Variants in DDIAS observed in about 807,000 individuals in gnomAD.
DDIAS encodes the protein DNA damage induced apoptosis suppressor.
Under a neutral mutation model 15.7 loss-of-function variants are expected in DDIAS, and 14 were observed. That is an observed-to-expected ratio of 0.89 (90% CI 0.59 to 1.39). The LOEUF is 1.39. Ranked by LOEUF, DDIAS falls within the 40% of genes most tolerant of loss-of-function variation. The pLI, the probability that DDIAS is intolerant of heterozygous loss-of-function variation, is 0.00. For missense variants in DDIAS, 1,035 were observed against 1,130.9 expected, an observed-to-expected ratio of 0.92 and a Z score of 1.22; for synonymous variants, 355 against 395.9, an observed-to-expected ratio of 0.90 and a Z score of 1.23.
chr11:82,933,522 C>A lies in DDIAS; in HGVS notation c.2184C>A (p.Ile728=). Residue 728 remains isoleucine, a synonymous_variant, in exon 6 of 6, where the codon ATC becomes ATA. Coordinates refer to ENST00000533655, the MANE Select transcript of DDIAS (RefSeq NM_145018.4). ...TGAGATCACTTTCTGAAGACTTCATCCAGCCTTCACAAAAATTATCCTTGC... is the reference window on the plus strand; with the variant it reads ...TGAGATCACTTTCTGAAGACTTCATACAGCCTTCACAAAAATTATCCTTGC... The part of the protein sequence containing the change: ...FSLRSLSEDF[I]QPSQKLSLQS... 6.2e-7 allele frequency: 1 copy of A among 1,613,966 alleles called. No individual in the cohort carries two copies. The highest frequency in any genetic ancestry group is 1.3e-5 in the African/African-American group (1 of 75,034).
At chr11:82,911,123 G>T (rs1227295882) in intron 1 of DDIAS, among the ~76,000 whole-genome samples, 2 of 152,108 alleles carry the variant, frequency 1.3e-5, no homozygotes, top group African/African-American at 4.8e-5. Flanking sequence ...TGTGGTGGAG[G>T]GTCTTGCCTC....
In DDIAS at chr11:82,933,598, T is replaced by G; in HGVS notation, c.2260T>G (p.Phe754Val). ...HSRTCSPTPHFQSDSEYNFEN... is the reference protein window; with the variant it reads ...HSRTCSPTPHVQSDSEYNFEN... The stretch of plus-strand genomic sequence containing the variant: ...AAGAACATGCTCTCCAACACCTCAT[T>G]TTCAATCAGATTCAGAATATAATTT... Residue 754 changes from phenylalanine (F) to valine (V), a missense_variant, in exon 6 of 6, where the codon TTT becomes GTT. Transcript: ENST00000533655. 6.2e-7 allele frequency: 1 copy of G among 1,613,826 alleles called. No homozygotes were observed. Among genetic ancestry groups the G allele is most frequent in the Non-Finnish European group, 8.5e-7 (1 of 1,179,914 alleles).
In DDIAS at chr11:82,907,626, A is replaced by T. The variant is rs1304201863; in HGVS notation, c.-116-5661A>T. ...CGCAATACCGCGCACTGCAGCCTCA[A>T]TCTCCCAGACTCAAGTGACCTTCCC... On this transcript the variant is annotated intron_variant, in intron 1 of 5. Transcript: ENST00000533655. Among the ~76,000 whole-genome samples, 6 of 152,170 alleles carry T rather than the reference A, an allele frequency of 3.9e-5. No individual in the cohort carries two copies. The South Asian group carries it at 1.2e-3, about 32-fold the overall frequency.
chr11:82,911,710 C>T (rs756660987), intron 1 of DDIAS, among the ~76,000 whole-genome samples: 9 of 152,208 alleles, frequency 5.9e-5, no homozygotes, highest in Non-Finnish European at 1.0e-4. Context: ...TAGCTTCTAG[C>T]ATGGTGAAAC....
At chr11:82,908,748 A>G (rs1313116707) in intron 1 of DDIAS, among the ~76,000 whole-genome samples, 1 of 152,244 alleles carries the variant, frequency 6.6e-6, no homozygotes, top group Non-Finnish European at 1.5e-5. Context: ...TGTCATAACA[A>G]CGAACTTCGC....
chr11:82,921,482 T>G (rs1307923325), intron 3 of DDIAS, among the ~76,000 whole-genome samples: 1 of 152,008 alleles, frequency 6.6e-6, no homozygotes, highest in African/African-American at 2.4e-5. Flanking sequence ...TCCTTCATGA[T>G]TTATGCTTTT....
At chr11:82,911,554 T>G (rs758620722) in intron 1 of DDIAS, among the ~76,000 whole-genome samples, 3 of 152,218 alleles carry the variant, frequency 2.0e-5, no homozygotes, top group Non-Finnish European at 4.4e-5. Context: ...TCTAGATCTC[T>G]TGCTATTCCA....
chr11:82,911,699 T>C (rs1322680091), intron 1 of DDIAS, among the ~76,000 whole-genome samples: 1 of 152,260 alleles, frequency 6.6e-6, no homozygotes, highest in Non-Finnish European at 1.5e-5. Context: ...AATGTTCTTA[T>C]TAGCTTCTAG....
At position 82,913,791 on chromosome 11, in the gene DDIAS, G is replaced by C. The variant is rs112968671; in HGVS notation, c.-17+405G>C. On this transcript the variant is annotated intron_variant, in intron 2 of 5. Coordinates refer to ENST00000533655, the MANE Select transcript of DDIAS (RefSeq NM_145018.4). ...GAATATACCTTATCTGAAATGTTTGGGTCCAGAAGTCTTGTGAATTTTGGA... is the reference window on the plus strand; with the variant it reads ...GAATATACCTTATCTGAAATGTTTGCGTCCAGAAGTCTTGTGAATTTTGGA... 2,370 of 395,434 alleles carry C rather than the reference G, an allele frequency of 6.0e-3. 43 individuals carry two copies. Among genetic ancestry groups the C allele is most frequent in the African/African-American group, 0.046 (2,134 of 46,900 alleles). 24.5% of individuals were successfully genotyped at this position (395,434 alleles called of 1,614,324 possible).
rs373304578 is a variant in DDIAS at position 82,933,735 on chromosome 11, A to G, written c.2397A>G (p.Ser799=). Reference sequence around the variant, plus strand: ...CTTTCAAAAAACCTGTATTTTATTCAGATCTTGATGGTAACTATGAAAAAA... The same window carrying G: ...CTTTCAAAAAACCTGTATTTTATTCGGATCTTGATGGTAACTATGAAAAAA... ...NRAFKKPVFY[S]DLDGNYEKIR... The change falls in exon 6 of 6, where the codon TCA becomes TCG. Residue 799 remains serine, a synonymous_variant. Coordinates refer to ENST00000533655, the MANE Select transcript of DDIAS (RefSeq NM_145018.4). The G allele has an allele frequency of 1.4e-5, 22 of 1,612,040 alleles. No individual in the cohort carries two copies. The highest frequency in any genetic ancestry group is 9.4e-5 in the African/African-American group (7 of 74,732).
chr11:82,933,034 G>A lies in DDIAS; in HGVS notation c.1696G>A (p.Glu566Lys), dbSNP rs761510889. 6.3e-5 allele frequency: 102 copies of A among 1,607,060 alleles called. No individual in the cohort carries two copies. The highest frequency in any genetic ancestry group is 5.0e-4 in the South Asian group (45 of 90,856). Residue 566 changes from glutamate to lysine, a missense_variant, in exon 6 of 6, where the codon GAG becomes AAG. Glu to Lys is a moderately conservative substitution (Grantham distance 56). Coordinates refer to ENST00000533655, the MANE Select transcript of DDIAS (RefSeq NM_145018.4). ...KKTIRISPHR[E>K]SDHSSLNNKY... Reference sequence around the variant, plus strand: ...GACTATCAGAATCTCACCACACAGGGAGAGTGACCATTCTAGTCTAAATAA... The same window carrying A: ...GACTATCAGAATCTCACCACACAGGAAGAGTGACCATTCTAGTCTAAATAA...
chr11:82,914,680 T>G, intron 2 of DDIAS, 43 bp from the exon 3 acceptor site: 1 of 988,004 alleles, frequency 1.0e-6, no homozygotes, highest in South Asian at 1.4e-5. Flanking sequence ...TGCACTGCAA[T>G]GAAAGATTTG....
At chr11:82,929,755 CT>C (rs1860945626) in intron 4 of DDIAS, among the ~76,000 whole-genome samples, 1 of 151,940 alleles carries the variant, frequency 6.6e-6, no homozygotes, top group Admixed American at 6.5e-5. Flanking sequence ...CCCTCCTCCC[CT>C]AATCACATGC....
intron 5 of DDIAS, among the ~76,000 whole-genome samples, 155 bp downstream of exon 5, chr11:82,930,429 A>G (rs1017589203): frequency 6.6e-6 from 1 of 152,242 alleles, no homozygotes; most frequent in African/African-American, 2.4e-5. Flanking sequence ...TGGTCTGTTA[A>G]AACACCATGT....
chr11:82,918,010 G>C (rs1860664802), intron 3 of DDIAS, among the ~76,000 whole-genome samples: 1 of 152,122 alleles, frequency 6.6e-6, no homozygotes, highest in Non-Finnish European at 1.5e-5. Context: ...ATTTGTTTGA[G>C]TTCGTTGTAG....
At chr11:82,915,040 T>C (rs2121330418) in intron 3 of DDIAS, among the ~76,000 whole-genome samples, 189 bp downstream of exon 3, 1 of 152,370 alleles carries the variant, frequency 6.6e-6, no homozygotes, top group East Asian at 1.9e-4. Context: ...TTTAAGTTAC[T>C]GTCAAGTCCT....
chr11:82,929,393 T>C (rs1037154685), intron 4 of DDIAS, among the ~76,000 whole-genome samples: 2 of 152,140 alleles, frequency 1.3e-5, no homozygotes, highest in Admixed American at 1.3e-4. Flanking sequence ...GTCCTGAGAA[T>C]ATAAGAATAA....
chr11:82,903,002 A>G (rs1404668010), intron 1 of DDIAS, among the ~76,000 whole-genome samples: 5 of 152,230 alleles, frequency 3.3e-5, no homozygotes, highest in Non-Finnish European at 5.9e-5. Flanking sequence ...CTGATGCCTA[A>G]AAGATGAGCG....
rs756414012 is a variant in DDIAS at position 82,931,920 on chromosome 11, G to A, written c.582G>A (p.Gln194=). The A allele has an allele frequency of 1.2e-6, 2 of 1,613,990 alleles. No homozygotes were observed. The highest frequency in any genetic ancestry group is 1.7e-6 in the Non-Finnish European group (2 of 1,180,030). ...LLQTFNFRKL[Q]CDSQAPNNHL... ...AGACTTTTAATTTCAGGAAACTTCAGTGTGACTCTCAGGCACCTAACAATC... is the reference window on the plus strand; with the variant it reads ...AGACTTTTAATTTCAGGAAACTTCAATGTGACTCTCAGGCACCTAACAATC... The change falls in exon 6 of 6, where the codon CAG becomes CAA. Residue 194 remains glutamine (Q), a synonymous_variant. Coordinates refer to ENST00000533655, the MANE Select transcript of DDIAS (RefSeq NM_145018.4).
Sources: gnomAD v4.1 joint callset for allele counts (sites outside exome capture counted in the v4.1 genomes callset) on GRCh38, gnomAD v4.1.1 for gene constraint, MANE v1.5 for transcripts, NCBI Gene and HGNC (gene_info 2026-07-23, HGNC 2026-07-21) for gene names.